The following PXDN variants were observed in gnomAD, a reference collection of about 807,000 sequenced individuals.
PXDN encodes peroxidasin, also known as peroxidasin homolog.
PXDN carries 77 observed loss-of-function variants against 140.3 expected under a neutral mutation model. The ratio of observed to expected loss-of-function variants is 0.55; its 90% CI spans 0.46 to 0.66. PXDN has a LOEUF of 0.66. PXDN is among the 30% of genes least tolerant of loss of function. The pLI, the probability that PXDN is intolerant of heterozygous loss-of-function variation, is 0.00. For missense variants in PXDN, 1,838 were observed against 2,039.5 expected, an observed-to-expected ratio of 0.90 and a Z score of 1.90; for synonymous variants, 911 against 857.4, an observed-to-expected ratio of 1.06 and a Z score of -1.09.
chr2:1,643,198 G>A (rs1291530329), intron 19 of PXDN, among the ~76,000 whole-genome samples, 170 bp downstream of exon 19: 1 of 152,136 alleles, frequency 6.6e-6, no homozygotes, highest in East Asian at 1.9e-4. Flanking sequence ...TCATATTTTT[G>A]GCTCCGCAGT....
intron 16 of PXDN, chr2:1,653,266 C>T (rs1683055187): frequency 1.1e-5 from 4 of 350,394 alleles, no homozygotes; most frequent in South Asian, 2.3e-5. Flanking sequence ...GACACAACGT[C>T]ACTCAGGGAG....
intron 1 of PXDN, among the ~76,000 whole-genome samples, chr2:1,721,790 G>A (rs1350407247): frequency 6.6e-6 from 1 of 151,632 alleles, no homozygotes; most frequent in Non-Finnish European, 1.5e-5. Flanking sequence ...CTCCAGCCTG[G>A]GAGACAGAGA....
In PXDN at chr2:1,714,180, A is replaced by C. The variant is rs1460809445; in HGVS notation, c.201-21046T>G. ...ACTGTTTTTTTCAACTACCTCATTTATTGCTCTTACATCTGCACTTGATTA... is the reference window on the plus strand; with the variant it reads ...ACTGTTTTTTTCAACTACCTCATTTCTTGCTCTTACATCTGCACTTGATTA... On this transcript the variant is annotated intron_variant, in intron 1 of 22. Transcript: ENST00000252804. The surrounding 1 kb of genome is among the most constrained non-coding windows in gnomAD (Gnocchi z 4.3). 6.6e-6 allele frequency among the ~76,000 whole-genome samples: 1 copy of C among 152,012 alleles called. No homozygotes were observed. The highest frequency in any genetic ancestry group is 1.5e-5 in the Non-Finnish European group (1 of 68,006).
chr2:1,685,996 G>A lies in PXDN; in HGVS notation c.416+1636C>T, dbSNP rs1014842844. ...GGATCAGGGACACTCAGATCCCCCT[G>A]GACTGCATCCGGGCTCCCGGGCATT... On this transcript the variant is annotated intron_variant, in intron 4 of 22. Transcript: ENST00000252804. The surrounding 1 kb of genome is among the most constrained non-coding windows in gnomAD (Gnocchi z 5.1). 6.6e-6 allele frequency among the ~76,000 whole-genome samples: 1 copy of A among 152,200 alleles called. No homozygotes were observed. Among genetic ancestry groups the A allele is most frequent in the Non-Finnish European group, 1.5e-5 (1 of 68,042 alleles).
chr2:1,681,285 G>T (rs1427020083), intron 6 of PXDN, among the ~76,000 whole-genome samples: 1 of 152,106 alleles, frequency 6.6e-6, no homozygotes. Context: ...ACACTATCTT[G>T]CTTTGCTGAG....
At position 1,644,765 on chromosome 2, in the gene PXDN, G is replaced by C; in HGVS notation, c.3609-13C>G. ...CGAGCCATACAACCTAAAAAATAAA[G>C]AGAAAACTGAAATCTACCTAACAAA... is the stretch of plus-strand genomic sequence containing the variant. On this transcript the variant is annotated splice_polypyrimidine_tract_variant and intron_variant, in intron 17 of 22. Transcript: ENST00000252804. 6 of 1,492,496 alleles carry C rather than the reference G, an allele frequency of 4.0e-6. No homozygotes were observed. Among genetic ancestry groups the C allele is most frequent in the Non-Finnish European group, 4.5e-6 (5 of 1,112,012 alleles). 92.5% of individuals were successfully genotyped at this position (1,492,496 alleles called of 1,614,324 possible).
At chr2:1,657,353 C>T (rs1683168873) in intron 14 of PXDN, among the ~76,000 whole-genome samples, 1 of 151,484 alleles carries the variant, frequency 6.6e-6, no homozygotes, top group Non-Finnish European at 1.5e-5. Context: ...AAACCAGCCC[C>T]AACCTGACTG....
chr2:1,710,756 C>T (rs1319126891), intron 1 of PXDN, among the ~76,000 whole-genome samples: 1 of 88,176 alleles, frequency 1.1e-5, no homozygotes, highest in Non-Finnish European at 2.3e-5. Context: ...ACTCCACCAG[C>T]ACCCACTCCA....
In PXDN at chr2:1,643,683, C is replaced by T. The variant is rs192078768; in HGVS notation, c.3744-107G>A. 1.5e-4 allele frequency: 181 copies of T among 1,190,142 alleles called. 2 individuals are homozygous for T. Among genetic ancestry groups the T allele is most frequent in the South Asian group, 1.1e-3 (80 of 73,246 alleles). 73.7% of individuals were successfully genotyped at this position (1,190,142 alleles called of 1,614,324 possible). On this transcript the variant is annotated intron_variant, in intron 18 of 22. Coordinates refer to ENST00000252804, the MANE Select transcript of PXDN (RefSeq NM_012293.3). ...GCTTAGTTCACAGCAATACAGAAAC[C>T]ACTAGGTTTGATTAGGTGTCACTTA...
intron 11 of PXDN, 122 bp downstream of exon 11, chr2:1,664,836 G>T: frequency 2.3e-6 from 2 of 860,164 alleles, no homozygotes; most frequent in Non-Finnish European, 3.6e-6. Context: ...TGGTCCTGTG[G>T]AATCCAGTCC....
chr2:1,646,513 G>A (rs1323842027), intron 17 of PXDN, among the ~76,000 whole-genome samples: 3 of 152,196 alleles, frequency 2.0e-5, no homozygotes, highest in Non-Finnish European at 4.4e-5. Context: ...GATTAACGGA[G>A]TGCGCACACA....
chr2:1,655,548 C>T (rs1384385047), intron 14 of PXDN, among the ~76,000 whole-genome samples: 1 of 151,194 alleles, frequency 6.6e-6, no homozygotes, highest in African/African-American at 2.4e-5. Flanking sequence ...CACATCTGCC[C>T]CTCCTGACAG....
rs776800196 is a variant in PXDN, at chr2:1,649,190, G to T, written c.2590C>A (p.Pro864Thr). 1 of 1,600,646 alleles carries T rather than the reference G, an allele frequency of 6.2e-7. No homozygotes were observed. Reference protein sequence around the residue: ...DPPCFSVMIPPNDSRARSGAR... With the variant: ...DPPCFSVMIPTNDSRARSGAR... ...CCGCTCCTGGCCCGGGAGTCATTGG[G>T]GGGGATCATGACAGAGAAGCAGGGG... Residue 864 changes from proline (P) to threonine (T), a missense_variant, in exon 17 of 23, where the codon CCC becomes ACC. Around this residue, in one of 5 missense-constraint regions of PXDN, gnomAD observed 850 missense variants for 894.1 expected, o/e 0.95. Coordinates refer to ENST00000252804, the MANE Select transcript of PXDN (RefSeq NM_012293.3). This position sits in a 1 kb window ranked among gnomAD's most constrained non-coding sequence, Gnocchi z 7.1.
At position 1,638,934 on chromosome 2, in the gene PXDN, A is replaced by T. The variant is rs1410489660; in HGVS notation, c.4118T>A (p.Phe1373Tyr). Reference protein sequence around the residue: ...GEHLSNSTSAFSTRSDASGTN... With the variant: ...GEHLSNSTSAYSTRSDASGTN... ...CCCAGATGCATCTGAGCGTGTGCTG[A>T]AGGCTGAGGTGCTGTTGCTGAGATG... The change falls in exon 21 of 23, where the codon TTC becomes TAC. Residue 1373 changes from phenylalanine to tyrosine, a missense_variant. Phe to Tyr is a conservative substitution (Grantham distance 22, BLOSUM62 3). Transcript: ENST00000252804. 3 of 1,613,962 alleles carry T rather than the reference A, an allele frequency of 1.9e-6. No individual in the cohort carries two copies. In the Admixed American group the frequency reaches 5.0e-5, roughly 27 times the overall value.
At chr2:1,658,406 C>A (rs1048432703) in intron 14 of PXDN, among the ~76,000 whole-genome samples, 2 of 152,020 alleles carry the variant, frequency 1.3e-5, no homozygotes, top group South Asian at 4.1e-4. Context: ...ATGGGTGACA[C>A]TGACAGAGCC....
Position 1,737,239 on chromosome 2 carries a change from G to A in PXDN, c.200+7017C>T, listed in dbSNP as rs575342388. Among the ~76,000 whole-genome samples the A allele has an allele frequency of 8.5e-5, 13 of 152,280 alleles. No homozygotes were observed. In the South Asian group the frequency reaches 2.7e-3, roughly 32 times the overall value. ...CTGCCATTCTTCACCTCGGGCCTCC[G>A]GGCTAGTCTCCTTGGAGTTCTGTGT... On this transcript the variant is annotated intron_variant, in intron 1 of 22. Transcript: ENST00000252804.
intron 1 of PXDN, among the ~76,000 whole-genome samples, chr2:1,731,442 C>A (rs1399454720): frequency 6.6e-6 from 1 of 152,190 alleles, no homozygotes; most frequent in Admixed American, 6.5e-5. Context: ...CAGCTCCGAG[C>A]AGGTGGGAGC....
intron 15 of PXDN, chr2:1,654,024 T>G: frequency 1.9e-6 from 1 of 528,900 alleles, no homozygotes; most frequent in Non-Finnish European, 3.3e-6. Flanking sequence ...AAATCACAGA[T>G]ATTGCATTTC....
intron 1 of PXDN, among the ~76,000 whole-genome samples, chr2:1,708,609 C>T (rs1484611806): frequency 2.6e-5 from 4 of 152,168 alleles, no homozygotes; most frequent in Non-Finnish European, 5.9e-5. Context: ...GATGCAGTCA[C>T]GCACCCAGAA....
Sources: allele counts gnomAD v4.1 joint callset (sites outside exome capture counted in the v4.1 genomes callset), GRCh38; gene constraint gnomAD v4.1.1; regional missense constraint gnomAD v4.1.1; non-coding constraint Gnocchi (gnomAD v3.1); transcripts MANE v1.5; gene names NCBI Gene and HGNC (gene_info 2026-07-23, HGNC 2026-07-21).